DRC9: variants seen among roughly 807,000 people sequenced by gnomAD.
DRC9 encodes dynein regulatory complex protein 9.
chr3:197,924,915 G>C, the DRC9 span, among the ~76,000 whole-genome samples: 1 of 152,156 alleles, frequency 6.6e-6, no homozygotes, highest in African/African-American at 2.4e-5. Context: ...ACTTTGTTTT[G>C]CAAGTCAATT....
chr3:197,904,097 T>C, the DRC9 span, among the ~76,000 whole-genome samples: 9 of 46,512 alleles, frequency 1.9e-4, no homozygotes, highest in Admixed American at 5.4e-4. Context: ...CATATATATA[T>C]ATATATATAT....
At chr3:197,923,880 A>G in the DRC9 span, among the ~76,000 whole-genome samples, 1 of 151,968 alleles carries the variant, frequency 6.6e-6, no homozygotes. Flanking sequence ...CAGCCTGGAC[A>G]ACAAAGCAAG....
At chr3:197,935,261 T>C in the DRC9 span, among the ~76,000 whole-genome samples, 1 of 151,934 alleles carries the variant, frequency 6.6e-6, no homozygotes, top group Admixed American at 6.6e-5. Flanking sequence ...GCTAACATGG[T>C]GAAACCCTGT....
the DRC9 span, among the ~76,000 whole-genome samples, chr3:197,909,587 A>G: frequency 1.3e-5 from 2 of 148,602 alleles, no homozygotes; most frequent in African/African-American, 5.3e-5. Context: ...AGTGTGAGAT[A>G]TATTCTATCA....
the DRC9 span, among the ~76,000 whole-genome samples, chr3:197,935,639 C>G: frequency 0.012 from 1,788 of 151,942 alleles, 19 homozygotes; most frequent in Middle Eastern, 0.02. Flanking sequence ...CACGCCACCA[C>G]GCCCAGCTAA....
the DRC9 span, among the ~76,000 whole-genome samples, chr3:197,915,694 AT>A: frequency 6.6e-6 from 1 of 151,766 alleles, no homozygotes; most frequent in Non-Finnish European, 1.5e-5. Flanking sequence ...TAGTGGCATG[AT>A]CTTGGCTTAC....
chr3:197,905,849 T>C, the DRC9 span, among the ~76,000 whole-genome samples: 10 of 151,958 alleles, frequency 6.6e-5, no homozygotes, highest in Admixed American at 4.6e-4. Context: ...TATTAACATA[T>C]TAAAGAAGAG....
chr3:197,936,210 T>C, the DRC9 span, among the ~76,000 whole-genome samples: 2 of 152,136 alleles, frequency 1.3e-5, no homozygotes, highest in Non-Finnish European at 2.9e-5. Flanking sequence ...ATTTTGTCTT[T>C]TGACAGTAGT....
the DRC9 span, chr3:197,960,158 C>T: frequency 1.4e-6 from 2 of 1,400,100 alleles, no homozygotes; most frequent in East Asian, 2.4e-5. Context: ...GCCGGCTGGG[C>T]CCTCCGTCTA....
chr3:197,891,553 A>G, the DRC9 span: 1 of 1,464,976 alleles, frequency 6.8e-7, no homozygotes, highest in Non-Finnish European at 9.6e-7. Flanking sequence ...CTTATCTGCA[A>G]AGATAGACAT....
At chr3:197,939,058 G>C in the DRC9 span, 1 of 349,608 alleles carries the variant, frequency 2.9e-6, no homozygotes, top group Non-Finnish European at 5.2e-6. Context: ...CATTTCTCAT[G>C]TTGTAATTTT....
At chr3:197,906,011 TTGA>T in the DRC9 span, among the ~76,000 whole-genome samples, 188 of 147,800 alleles carry the variant, frequency 1.3e-3, no homozygotes, top group African/African-American at 4.8e-3. Flanking sequence ...AATCTCACAG[TTGA>T]TGATTAAAAA....
the DRC9 span, among the ~76,000 whole-genome samples, chr3:197,915,377 C>T: frequency 1.3e-5 from 2 of 151,788 alleles, no homozygotes; most frequent in African/African-American, 4.8e-5. Context: ...GGTTGGAGGT[C>T]GGTAAGGGCA....
At chr3:197,905,553 C>G in the DRC9 span, among the ~76,000 whole-genome samples, 1 of 151,700 alleles carries the variant, frequency 6.6e-6, no homozygotes, top group Non-Finnish European at 1.5e-5. Context: ...TTGAGACCAG[C>G]CTGACCAACA....
At chr3:197,915,193 G>GA in the DRC9 span, among the ~76,000 whole-genome samples, 4 of 96,276 alleles carry the variant, frequency 4.2e-5, no homozygotes, top group African/African-American at 1.6e-4. Context: ...AAAAGAAAAA[G>GA]AAAAAAAGGA....
At chr3:197,924,807 C>T in the DRC9 span, among the ~76,000 whole-genome samples, 5 of 151,976 alleles carry the variant, frequency 3.3e-5, no homozygotes, top group Admixed American at 2.6e-4. Context: ...CGTGAGCCAC[C>T]GCGCCCGGCC....
At chr3:197,950,745 C>A in the DRC9 span, 1 of 605,246 alleles carries the variant, frequency 1.7e-6, no homozygotes, top group South Asian at 2.1e-5. Flanking sequence ...GCTTAGATAC[C>A]AGCTGTTCTC....
the DRC9 span, among the ~76,000 whole-genome samples, chr3:197,890,040 G>A: frequency 6.6e-6 from 1 of 152,170 alleles, no homozygotes; most frequent in Non-Finnish European, 1.5e-5. Flanking sequence ...ATACTTAACA[G>A]CTATTTGAAC....
chr3:197,932,177 G>A, the DRC9 span: 1 of 1,611,542 alleles, frequency 6.2e-7, no homozygotes, highest in Middle Eastern at 1.7e-4. Context: ...CTCTGACCTG[G>A]CAATGATGTC....
Sources: gnomAD v4.1 joint callset for allele counts (sites outside exome capture counted in the v4.1 genomes callset) on GRCh38, gnomAD v4.1.1 for gene constraint, MANE v1.5 for transcripts, NCBI Gene and HGNC (gene_info 2026-07-23, HGNC 2026-07-21) for gene names.